Variants in SDK1 observed in about 807,000 individuals in gnomAD.
SDK1 encodes protein sidekick-1.
Under a neutral mutation model 245.5 loss-of-function variants are expected in SDK1, and 157 were observed. The observed-to-expected ratio is 0.64, with a 90% CI of 0.56 to 0.73. The LOEUF is 0.73. Among genes scored for constraint, SDK1 ranks in the 30% least tolerant of loss-of-function variants. The pLI, the probability that SDK1 is intolerant of heterozygous loss-of-function variation, is 0.00. For missense variants in SDK1, 3,583 were observed against 3,002.3 expected, an observed-to-expected ratio of 1.19 and a Z score of -4.52; for synonymous variants, 1,647 against 1,278.5, an observed-to-expected ratio of 1.29 and a Z score of -6.15.
chr7:3,537,917 G>C (rs1292206788), intron 1 of SDK1, among the ~76,000 whole-genome samples: 1 of 152,196 alleles, frequency 6.6e-6, no homozygotes, highest in Non-Finnish European at 1.5e-5. Context: ...AGATACCCCA[G>C]AGTCTCCCTC....
At chr7:4,068,013 A>T (rs1216626052) in intron 20 of SDK1, 77 bp downstream of exon 20, 3 of 1,004,434 alleles carry the variant, frequency 3.0e-6, no homozygotes, top group Non-Finnish European at 3.0e-6. Context: ...CTTCAAACCA[A>T]ACTGCTGACA....
chr7:3,535,440 C>G (rs771176173), intron 1 of SDK1, among the ~76,000 whole-genome samples: 2 of 152,116 alleles, frequency 1.3e-5, no homozygotes, highest in African/African-American at 2.4e-5. Context: ...CATCTGATTA[C>G]TTTGCACCAT....
intron 1 of SDK1, among the ~76,000 whole-genome samples, chr7:3,548,405 A>G (rs934353353): frequency 1.3e-5 from 2 of 152,202 alleles, no homozygotes; most frequent in African/African-American, 4.8e-5. Context: ...TCTTACTCCA[A>G]AACTACTGAG....
intron 1 of SDK1, among the ~76,000 whole-genome samples, chr7:3,398,068 T>TTGTAGGTTTAACGTTTTCTATAAC (rs1304794880): frequency 2.0e-5 from 3 of 152,164 alleles, no homozygotes; most frequent in Admixed American, 6.5e-5. Context: ...TTTATCTGGC[T>TTGTAGGTTTAACGTTTTCTATAAC]TGTAGGTTTA....
intron 1 of SDK1, among the ~76,000 whole-genome samples, chr7:3,490,093 C>G (rs1420792884): frequency 1.3e-4 from 20 of 151,992 alleles, no homozygotes; most frequent in Admixed American, 1.3e-3. Context: ...CATATTTAGG[C>G]GTAGGTACCA....
chr7:4,214,061 C>T (rs1784653461), intron 38 of SDK1, among the ~76,000 whole-genome samples: 1 of 152,176 alleles, frequency 6.6e-6, no homozygotes, highest in Admixed American at 6.5e-5. Flanking sequence ...CTTTTCTTCT[C>T]CTCCCGCAGA....
At chr7:4,023,013 A>G (rs1035707308) in intron 17 of SDK1, among the ~76,000 whole-genome samples, 1 of 151,820 alleles carries the variant, frequency 6.6e-6, no homozygotes, top group South Asian at 2.1e-4. Flanking sequence ...TGACCTCGTG[A>G]TCCGCCTGCC....
chr7:3,330,591 C>G (rs1473018454), intron 1 of SDK1, among the ~76,000 whole-genome samples: 2 of 152,112 alleles, frequency 1.3e-5, no homozygotes, highest in African/African-American at 4.8e-5. Flanking sequence ...CATGATACAG[C>G]AGGAAGGCCC....
At chr7:3,587,143 A>G (rs1780716344) in intron 1 of SDK1, among the ~76,000 whole-genome samples, 2 of 152,124 alleles carry the variant, frequency 1.3e-5, no homozygotes, top group African/African-American at 4.8e-5. Context: ...TCCTAACAGA[A>G]CTCTGCTGTG....
In SDK1 at chr7:3,351,121, G is replaced by GA. The variant is rs1478065428; in HGVS notation, c.298+49238dup. On this transcript the variant is annotated intron_variant, in intron 1 of 44. Coordinates refer to ENST00000404826, the MANE Select transcript of SDK1 (RefSeq NM_152744.4). ...ACTGACTAAGCTGCAGCAGTTCTGA[G>GA]AGCCTACTGTTGTCATTTTTAATGG... Among the ~76,000 whole-genome samples, 15 of 152,278 alleles carry GA rather than the reference G, an allele frequency of 9.9e-5. No individual in the cohort carries two copies. The East Asian group carries it at 2.9e-3, about 29-fold the overall frequency.
intron 1 of SDK1, among the ~76,000 whole-genome samples, chr7:3,421,435 T>C (rs143500232): frequency 1.3e-5 from 2 of 152,334 alleles, no homozygotes; most frequent in African/African-American, 4.8e-5. Flanking sequence ...ATAATTATGA[T>C]ATTCATAATT....
chr7:3,579,307 C>T (rs1780407309), intron 1 of SDK1, among the ~76,000 whole-genome samples: 1 of 149,700 alleles, frequency 6.7e-6, no homozygotes, highest in Non-Finnish European at 1.5e-5. Context: ...CCAAGTCCAG[C>T]AGCACAAAAG....
intron 1 of SDK1, among the ~76,000 whole-genome samples, chr7:3,447,688 A>C (rs7779688): frequency 6.8e-6 from 1 of 146,238 alleles, no homozygotes; most frequent in African/African-American, 2.5e-5. Context: ...TAAATATCTT[A>C]GCTTATATAT....
chr7:4,060,901 C>T (rs1427334270), intron 19 of SDK1, among the ~76,000 whole-genome samples: 1 of 151,630 alleles, frequency 6.6e-6, no homozygotes, highest in African/African-American at 2.4e-5. Context: ...AATAGGGAAT[C>T]CTTTACCCAT....
chr7:3,608,244 T>C (rs1039156213), intron 1 of SDK1, among the ~76,000 whole-genome samples: 20 of 152,194 alleles, frequency 1.3e-4, no homozygotes, highest in African/African-American at 4.3e-4. Context: ...TGTGTCGAAA[T>C]GTGAATTACA....
At chr7:4,209,869 G>A (rs561653021) in intron 37 of SDK1, among the ~76,000 whole-genome samples, 156 bp from the exon 38 acceptor site, 1 of 152,330 alleles carries the variant, frequency 6.6e-6, no homozygotes, top group Admixed American at 6.5e-5. Context: ...GTTCTGAGGT[G>A]ATCAATAAAT....
At chr7:4,211,905 G>A (rs1242273332) in intron 38 of SDK1, among the ~76,000 whole-genome samples, 8 of 152,214 alleles carry the variant, frequency 5.3e-5, no homozygotes, top group South Asian at 4.2e-4. Flanking sequence ...CACCGTGCCC[G>A]ACCCCTGCTT....
intron 22 of SDK1, among the ~76,000 whole-genome samples, chr7:4,107,061 C>T (rs919472098): frequency 3.3e-5 from 5 of 150,424 alleles, no homozygotes; most frequent in Middle Eastern, 3.4e-3. Flanking sequence ...AGGACCCCAG[C>T]GTTCCTCAGT....
At position 3,496,531 on chromosome 7, in the gene SDK1, C is replaced by G. The variant is rs112769175; in HGVS notation, c.299-122549C>G. Among the ~76,000 whole-genome samples, 1,290 of 150,966 alleles carry G rather than the reference C, an allele frequency of 8.5e-3. 21 individuals carry two copies. Among genetic ancestry groups the G allele is most frequent in the African/African-American group, 0.03 (1,212 of 41,002 alleles). ...TATTTTGCTCCCTAATTATAAAATA[C>G]AGGGAAAATCATATTCTTTTGCATG... is the stretch of plus-strand genomic sequence containing the variant. On this transcript the variant is annotated intron_variant, in intron 1 of 44. Transcript: ENST00000404826.
Sources: allele counts gnomAD v4.1 joint callset (sites outside exome capture counted in the v4.1 genomes callset), GRCh38; gene constraint gnomAD v4.1.1; transcripts MANE v1.5; gene names NCBI Gene and HGNC (gene_info 2026-07-23, HGNC 2026-07-21).